The following MTSS1 variants were observed in gnomAD, a reference collection of about 807,000 sequenced individuals.
MTSS1 encodes the protein MTSS I-BAR domain containing 1.
A neutral mutation model predicts 79.0 loss-of-function variants in MTSS1; 18 were observed. The observed-to-expected ratio is 0.23, with a 90% CI of 0.16 to 0.34. The LOEUF is 0.34. Ranked by LOEUF, MTSS1 falls within the 10% of genes least tolerant of loss-of-function variation. The probability of loss-of-function intolerance (pLI) is 1.00; values close to 1 mark genes in which losing one functional copy is unlikely to be tolerated. For synonymous variants in MTSS1, 341 were observed against 368.6 expected, an observed-to-expected ratio of 0.93 and a Z score of 0.86; for missense variants, 815 against 986.2, an observed-to-expected ratio of 0.83 and a Z score of 2.33.
chr8:124,586,738 G>A (rs1341246739), intron 5 of MTSS1, among the ~76,000 whole-genome samples: 2 of 152,214 alleles, frequency 1.3e-5, no homozygotes, highest in South Asian at 2.1e-4. Context: ...GTGCAGACAG[G>A]CCACTTAGCA....
chr8:124,715,369 T>C (rs141629345), intron 1 of MTSS1, among the ~76,000 whole-genome samples: 10 of 152,284 alleles, frequency 6.6e-5, no homozygotes, highest in Admixed American at 5.9e-4. Context: ...ATTTTTGTTG[T>C]TTAATTTGTT....
At chr8:124,584,519 G>A (rs1383724863) in intron 6 of MTSS1, among the ~76,000 whole-genome samples, 1 of 152,172 alleles carries the variant, frequency 6.6e-6, no homozygotes, top group Non-Finnish European at 1.5e-5. Flanking sequence ...CGATTCATTT[G>A]TTTGTGAAGG....
chr8:124,624,811 G>T (rs1814333514), intron 3 of MTSS1, among the ~76,000 whole-genome samples: 1 of 152,200 alleles, frequency 6.6e-6, no homozygotes, highest in African/African-American at 2.4e-5. Flanking sequence ...AGAGCGGGGA[G>T]GTGTGGGCAC....
chr8:124,580,056 T>G (rs1325071513), intron 6 of MTSS1: 1 of 152,450 alleles, frequency 6.6e-6, no homozygotes, highest in Non-Finnish European at 1.5e-5. Context: ...TTTTAAAAAA[T>G]GAATCATTGG....
intron 1 of MTSS1, among the ~76,000 whole-genome samples, chr8:124,720,600 T>C (rs755008270): frequency 6.6e-6 from 1 of 152,204 alleles, no homozygotes; most frequent in Non-Finnish European, 1.5e-5. Flanking sequence ...TAGGTCCTGC[T>C]GGGCCAGCTG....
intron 3 of MTSS1, among the ~76,000 whole-genome samples, chr8:124,660,119 G>A (rs1372388247): frequency 6.6e-6 from 1 of 151,488 alleles, no homozygotes; most frequent in Admixed American, 6.6e-5. Flanking sequence ...GCTGTCCCGA[G>A]GATATGCTTG....
chr8:124,585,038 C>A, intron 6 of MTSS1, 49 bp downstream of exon 6: 1 of 1,501,436 alleles, frequency 6.7e-7, no homozygotes, highest in South Asian at 1.2e-5. Context: ...AAAAACAAAT[C>A]AAGTACTCCA....
At chr8:124,565,829 TC>T in intron 8 of MTSS1, 70 bp from the exon 9 acceptor site, 1 of 1,301,526 alleles carries the variant, frequency 7.7e-7, no homozygotes, top group Non-Finnish European at 1.1e-6. Context: ...AAGCTTAACA[TC>T]CACCAAAGCA....
chr8:124,639,652 T>C (rs1249743101), intron 3 of MTSS1, among the ~76,000 whole-genome samples: 1 of 152,002 alleles, frequency 6.6e-6, no homozygotes, highest in Non-Finnish European at 1.5e-5. Context: ...TTAGTAGAGA[T>C]GGGGTTTTTC....
intron 3 of MTSS1, among the ~76,000 whole-genome samples, chr8:124,691,855 CTA>C (rs1426528510): frequency 6.6e-6 from 1 of 152,042 alleles, no homozygotes; most frequent in Non-Finnish European, 1.5e-5. Flanking sequence ...AGAAATTTGA[CTA>C]CATTCCTTTA....
Position 124,551,261 on chromosome 8 carries a change from C to T in MTSS1, c.*1731G>A, listed in dbSNP as rs1049651355. On this transcript the variant is annotated 3_prime_UTR_variant, in exon 14 of 14. Transcript: ENST00000518547. ...CAATGCATCAGCTACTTTTAGTCAT[C>T]AAGATTGGTGGGCTAAACCACAGGC... The T allele has an allele frequency of 6.6e-6, 1 of 152,660 alleles. No homozygotes were observed. Among genetic ancestry groups the T allele is most frequent in the Non-Finnish European group, 1.5e-5 (1 of 68,050 alleles). 9.5% of individuals were successfully genotyped at this position (152,660 alleles called of 1,614,324 possible). A position where few individuals can be genotyped will look rare whatever the true frequency, so the allele number is the denominator to read the frequency against.
At chr8:124,591,350 C>T in intron 3 of MTSS1, 115 bp from the exon 4 acceptor site, 1 of 822,786 alleles carries the variant, frequency 1.2e-6, no homozygotes, top group Non-Finnish European at 2.0e-6. Flanking sequence ...TATAAGCCAC[C>T]ATCTTTAGAA....
At chr8:124,635,074 G>A (rs185411406) in intron 3 of MTSS1, among the ~76,000 whole-genome samples, 6 of 152,278 alleles carry the variant, frequency 3.9e-5, no homozygotes, top group Admixed American at 3.3e-4. Context: ...AAGAGTTAAC[G>A]CTCAATGCCT....
intron 3 of MTSS1, among the ~76,000 whole-genome samples, chr8:124,676,616 A>C (rs1298659305): frequency 1.3e-5 from 2 of 152,248 alleles, no homozygotes; most frequent in East Asian, 3.8e-4. Context: ...CAATATTGTC[A>C]CTGCTTCCAA....
At chr8:124,568,034 C>G (rs887516040) in intron 7 of MTSS1, 3 of 1,143,802 alleles carry the variant, frequency 2.6e-6, no homozygotes, top group Non-Finnish European at 3.4e-6. Context: ...TCCCCACCCC[C>G]AGAGGTTTGG....
At chr8:124,614,621 G>A (rs1836504823) in intron 3 of MTSS1, among the ~76,000 whole-genome samples, 1 of 152,230 alleles carries the variant, frequency 6.6e-6, no homozygotes, top group Non-Finnish European at 1.5e-5. Context: ...GTCATGAATG[G>A]TAGTTAAGTT....
intron 1 of MTSS1, among the ~76,000 whole-genome samples, chr8:124,704,606 A>G (rs1449862173): frequency 2.0e-5 from 3 of 152,208 alleles, no homozygotes; most frequent in African/African-American, 7.2e-5. Context: ...TCCCCAGGAC[A>G]GGTGGTTACA....
Position 124,728,173 on chromosome 8 carries a change from C to A in MTSS1, c.-218G>T. The A allele has an allele frequency of 2.3e-6, 1 of 428,130 alleles. No individual in the cohort carries two copies. The highest frequency in any genetic ancestry group is 4.1e-6 in the Non-Finnish European group (1 of 242,704). 26.5% of individuals were successfully genotyped at this position (428,130 alleles called of 1,614,324 possible). On this transcript the variant is annotated 5_prime_UTR_variant, in exon 1 of 14. Coordinates refer to ENST00000518547, the MANE Select transcript of MTSS1 (RefSeq NM_014751.6). This position sits in a 1 kb window ranked among gnomAD's most constrained non-coding sequence, Gnocchi z 6.1. ...GCCAAACCGCTCTGTAGGGTATTCG[C>A]CTACAAGCAGCGCTCGGCTCCTGGC...
intron 8 of MTSS1, 136 bp from the exon 9 acceptor site, chr8:124,565,895 T>A (rs1826323618): frequency 1.6e-6 from 1 of 611,718 alleles, no homozygotes; most frequent in East Asian, 2.9e-5. Context: ...TTAAAAAAAT[T>A]TTTTTTAAAT....
Sources: gnomAD v4.1 joint callset for allele counts (sites outside exome capture counted in the v4.1 genomes callset) on GRCh38, gnomAD v4.1.1 for gene constraint, Gnocchi (gnomAD v3.1) non-coding constraint, MANE v1.5 for transcripts, NCBI Gene and HGNC (gene_info 2026-07-23, HGNC 2026-07-21) for gene names.